Variants in NBAS observed in about 807,000 individuals in gnomAD.
The protein encoded by NBAS is NAG/BC035112 fusion.
Under a neutral mutation model 302.5 loss-of-function variants are expected in NBAS, and 219 were observed. The ratio of observed to expected loss-of-function variants is 0.72; its 90% confidence interval spans 0.65 to 0.81. The LOEUF is 0.81. NBAS is among the 30% of genes least tolerant of loss of function. The pLI is 0.00. For synonymous variants in NBAS, 1,118 were observed against 1,021.6 expected (o/e 1.09, Z -1.80); for missense variants, 2,932 against 2,841.6 (o/e 1.03, Z -0.72).
At chr2:14,860,647 A>G in the NBAS span, among the ~76,000 whole-genome samples, 1 of 152,186 alleles carries the variant, frequency 6.6e-6, no homozygotes, top group Non-Finnish European at 1.5e-5. Context: ...TCATGAAGAT[A>G]GAGATTAGAT....
rs1228668814 is a variant in NBAS at position 15,179,096 on chromosome 2, C to G, written c.6732G>C (p.Leu2244=). The change falls in exon 51 of 52, where the codon CTG becomes CTC. Residue 2244 remains leucine, a synonymous_variant. Coordinates refer to ENST00000281513, the MANE Select transcript of NBAS (RefSeq NM_015909.4). The stretch of plus-strand genomic sequence containing the variant: ...GCAGGAGGGACTGGTTAAGCAGCAG[C>G]AGACACAGCTCCTTCACACCCTGAA... ...LPAEGVKELC[L]LLLNQSLLLP... 1.9e-6 allele frequency: 3 copies of G among 1,614,056 alleles called. No homozygotes were observed. Among genetic ancestry groups the G allele is most frequent in the African/African-American group, 1.3e-5 (1 of 74,910 alleles).
At chr2:14,929,826 G>C in the NBAS span, among the ~76,000 whole-genome samples, 1 of 152,126 alleles carries the variant, frequency 6.6e-6, no homozygotes, top group Non-Finnish European at 1.5e-5. Flanking sequence ...GGTATGGTTT[G>C]GCTCTGTGTT....
At chr2:15,417,798 T>C in intron 23 of NBAS, 86 bp from the exon 24 acceptor site, 1 of 1,289,474 alleles carries the variant, frequency 7.8e-7, no homozygotes, top group Non-Finnish European at 1.1e-6. Context: ...CAGAATCTAA[T>C]TCTTATAATC....
At chr2:15,095,485 A>G in the NBAS span, among the ~76,000 whole-genome samples, 2 of 152,224 alleles carry the variant, frequency 1.3e-5, no homozygotes, top group African/African-American at 2.4e-5. Flanking sequence ...AATCACTCCC[A>G]TGATTCAATT....
chr2:14,875,674 A>T, the NBAS span, among the ~76,000 whole-genome samples: 1 of 152,186 alleles, frequency 6.6e-6, no homozygotes, highest in East Asian at 1.9e-4. Flanking sequence ...AAATATTAAA[A>T]TTAAAAATAC....
chr2:14,878,343 G>A, the NBAS span, among the ~76,000 whole-genome samples: 2 of 152,310 alleles, frequency 1.3e-5, no homozygotes, highest in African/African-American at 4.8e-5. Context: ...CCACAGGGAG[G>A]TATGGGCCTG....
chr2:15,397,680 C>T, intron 26 of NBAS: 2 of 524,520 alleles, frequency 3.8e-6, no homozygotes, highest in South Asian at 3.6e-5. Flanking sequence ...TTCTTAATGC[C>T]CTTGTACTCG....
At chr2:15,398,626 A>G (rs1675995742) in intron 26 of NBAS, among the ~76,000 whole-genome samples, 1 of 151,742 alleles carries the variant, frequency 6.6e-6, no homozygotes, top group Non-Finnish European at 1.5e-5. Flanking sequence ...GTGATTGCTC[A>G]TTTCTCAAAT....
chr2:14,905,906 C>A, the NBAS span, among the ~76,000 whole-genome samples: 3 of 152,168 alleles, frequency 2.0e-5, no homozygotes, highest in Non-Finnish European at 4.4e-5. Flanking sequence ...AAACTCTCAG[C>A]GCACTTTCTT....
chr2:15,480,684 G>C (rs1680393148), intron 12 of NBAS, among the ~76,000 whole-genome samples: 1 of 152,068 alleles, frequency 6.6e-6, no homozygotes, highest in Non-Finnish European at 1.5e-5. Context: ...CAAAAATACA[G>C]AGTCAGGAAA....
chr2:15,122,194 T>C, the NBAS span, among the ~76,000 whole-genome samples: 11,462 of 152,098 alleles, frequency 0.075, 609 homozygotes, highest in Non-Finnish European at 0.12. Context: ...GGATAATTTA[T>C]AAAGAAAAGA....
At chr2:15,174,702 T>G (rs1052783835) in intron 51 of NBAS, among the ~76,000 whole-genome samples, 9 of 152,324 alleles carry the variant, frequency 5.9e-5, no homozygotes, top group African/African-American at 2.2e-4. Context: ...CTACTTAGGT[T>G]AAAAGCAGAA....
chr2:15,081,735 G>T, the NBAS span, among the ~76,000 whole-genome samples: 3 of 152,184 alleles, frequency 2.0e-5, no homozygotes, highest in Admixed American at 1.3e-4. Flanking sequence ...CCTGTAAGAT[G>T]ACTGCCCTTA....
chr2:15,464,111 CT>C (rs1679625989), intron 19 of NBAS, among the ~76,000 whole-genome samples: 1 of 152,128 alleles, frequency 6.6e-6, no homozygotes, highest in Non-Finnish European at 1.5e-5. Flanking sequence ...CTTTGACTGA[CT>C]GAAGTTCTTT....
At chr2:14,953,651 C>G in the NBAS span, among the ~76,000 whole-genome samples, 1 of 152,244 alleles carries the variant, frequency 6.6e-6, no homozygotes, top group African/African-American at 2.4e-5. Flanking sequence ...ATTGCTGACA[C>G]CAGTTTTCCA....
At chr2:15,104,325 T>G in the NBAS span, among the ~76,000 whole-genome samples, 1 of 152,186 alleles carries the variant, frequency 6.6e-6, no homozygotes, top group Non-Finnish European at 1.5e-5. Context: ...ATGTCTTTAT[T>G]AGCAGCATGA....
intron 11 of NBAS, among the ~76,000 whole-genome samples, chr2:15,498,560 C>T (rs77020550): frequency 0.019 from 2,943 of 152,226 alleles, 70 homozygotes; most frequent in East Asian, 0.057. Context: ...AAATACCATT[C>T]GAACCAGTAA....
the NBAS span, among the ~76,000 whole-genome samples, chr2:14,852,936 G>T: frequency 7.0e-6 from 1 of 143,820 alleles, no homozygotes; most frequent in Non-Finnish European, 1.5e-5. Flanking sequence ...ATGGATTAAA[G>T]ATTTAAACGT....
chr2:14,888,877 G>C, the NBAS span, among the ~76,000 whole-genome samples: 1 of 152,186 alleles, frequency 6.6e-6, no homozygotes, highest in African/African-American at 2.4e-5. Flanking sequence ...GCAGAGTAGA[G>C]GTCAGTTGAA....
Sources: allele counts gnomAD v4.1 joint callset (sites outside exome capture counted in the v4.1 genomes callset), GRCh38; gene constraint gnomAD v4.1.1; transcripts MANE v1.5; gene names NCBI Gene and HGNC (gene_info 2026-07-23, HGNC 2026-07-21).